The following SLC1A2 variants were observed in gnomAD, a reference collection of about 807,000 sequenced individuals.
SLC1A2 encodes excitatory amino acid transporter 2.
SLC1A2 carries 15 observed loss-of-function variants against 48.8 expected under a neutral mutation model. The ratio of observed to expected loss-of-function variants is 0.31; its 90% CI spans 0.21 to 0.47. The LOEUF (loss-of-function observed/expected upper bound fraction) is 0.47. SLC1A2 is among the 20% of genes least tolerant of loss of function. The pLI, the probability that SLC1A2 is intolerant of heterozygous loss-of-function variation, is 0.99. For synonymous variants in SLC1A2, 279 were observed against 272.6 expected, an observed-to-expected ratio of 1.02 and a Z score of -0.23; for missense variants, 502 against 730.5, an observed-to-expected ratio of 0.69 and a Z score of 3.61.
intron 6 of SLC1A2, among the ~76,000 whole-genome samples, chr11:35,294,118 A>G (rs180915278): frequency 3.3e-5 from 5 of 152,332 alleles, no homozygotes; most frequent in Non-Finnish European, 1.5e-5. Flanking sequence ...CTCATCACTC[A>G]TGCTTAGTAA....
intron 1 of SLC1A2, among the ~76,000 whole-genome samples, chr11:35,345,940 G>A (rs1853014824): frequency 6.6e-6 from 1 of 152,140 alleles, no homozygotes; most frequent in Non-Finnish European, 1.5e-5. Flanking sequence ...AGTTGACATT[G>A]TTTTAAGACC....
At chr11:35,408,355 C>T (rs1053592006) in intron 1 of SLC1A2, among the ~76,000 whole-genome samples, 3 of 152,158 alleles carry the variant, frequency 2.0e-5, no homozygotes, top group Non-Finnish European at 4.4e-5. Flanking sequence ...CCCAGAATTC[C>T]CATGTGCTGT....
chr11:35,360,310 C>G (rs1853631418), intron 1 of SLC1A2, among the ~76,000 whole-genome samples: 1 of 152,156 alleles, frequency 6.6e-6, no homozygotes, highest in South Asian at 2.1e-4. Context: ...CTTTGATGTC[C>G]CTTTTCTCTC....
At chr11:35,307,189 C>T (rs1851539181) in intron 4 of SLC1A2, 1 of 140,016 alleles carries the variant, frequency 7.1e-6, no homozygotes, top group Non-Finnish European at 1.5e-5. Context: ...AGGGGTATCA[C>T]AGGCTGCCTC....
intron 9 of SLC1A2, among the ~76,000 whole-genome samples, chr11:35,279,987 T>A (rs1850571844): frequency 6.6e-6 from 1 of 152,214 alleles, no homozygotes; most frequent in Admixed American, 6.5e-5. Flanking sequence ...ATAATTTACA[T>A]ACAACAAAAC....
chr11:35,261,763 A>G (rs1950397721), intron 10 of SLC1A2: 2 of 398,460 alleles, frequency 5.0e-6, no homozygotes, highest in Non-Finnish European at 8.8e-6. Context: ...AAGCATTAGA[A>G]TATGGAGACG....
intron 1 of SLC1A2, among the ~76,000 whole-genome samples, chr11:35,410,835 C>T (rs371173798): frequency 6.6e-6 from 1 of 152,166 alleles, no homozygotes; most frequent in East Asian, 1.9e-4. Flanking sequence ...TTCAACCTCT[C>T]CCTCTGCCTA....
At position 35,342,521 on chromosome 11, in the gene SLC1A2, T is replaced by TGTTG. The variant is rs1555010559; in HGVS notation, c.18-25006_18-25005insCAAC. Among the ~76,000 whole-genome samples, 3 of 151,282 alleles carry TGTTG rather than the reference T, an allele frequency of 2.0e-5. No individual in the cohort carries two copies. The East Asian group carries it at 5.8e-4, about 29-fold the overall frequency. On this transcript the variant is annotated intron_variant, in intron 1 of 10. Transcript: ENST00000278379. ...ATGTACCTCTCAAATGAGTGTTTTTTTTGTTGTTGTTGTTGTTGTTTGTTG... is the reference window on the plus strand; with the variant it reads ...ATGTACCTCTCAAATGAGTGTTTTTTGTTGTTGTTGTTGTTGTTGTTGTTTGTTG...
chr11:35,392,007 G>A (rs1325564274), intron 1 of SLC1A2, among the ~76,000 whole-genome samples: 1 of 152,102 alleles, frequency 6.6e-6, no homozygotes, highest in Non-Finnish European at 1.5e-5. Context: ...TTGCAAGCAG[G>A]GCTATTTTTA....
intron 5 of SLC1A2, among the ~76,000 whole-genome samples, chr11:35,305,017 C>G (rs1851461438): frequency 6.6e-6 from 1 of 152,198 alleles, no homozygotes; most frequent in South Asian, 2.1e-4. Flanking sequence ...GTCATCCAAA[C>G]CTTTAGAAAT....
chr11:35,251,606 T>C lies in SLC1A2; in HGVS notation c.*9288A>G, dbSNP rs1950239510. The C allele has an allele frequency of 6.6e-6, 1 of 152,442 alleles. No homozygotes were observed. The highest frequency in any genetic ancestry group is 1.5e-5 in the Non-Finnish European group (1 of 68,036). The allele number at this position is 152,442 out of a possible 1,614,324, so 9.4% of individuals were successfully genotyped here. On this transcript the variant is annotated 3_prime_UTR_variant, in exon 11 of 11. Coordinates refer to ENST00000278379, the MANE Select transcript of SLC1A2 (RefSeq NM_004171.4). ...ATCTTTTGTTCTGGACATACAAGAA[T>C]TTTCAAAGAGAATCCTGCATAAAGC...
At chr11:35,347,814 C>A (rs1206074142) in intron 1 of SLC1A2, among the ~76,000 whole-genome samples, 2 of 152,210 alleles carry the variant, frequency 1.3e-5, no homozygotes, top group African/African-American at 4.8e-5. Flanking sequence ...CTCAAGCAAT[C>A]CTCCTGCCTT....
chr11:35,326,108 T>G (rs547991712), intron 1 of SLC1A2, among the ~76,000 whole-genome samples: 1 of 152,236 alleles, frequency 6.6e-6, no homozygotes, highest in South Asian at 2.1e-4. Context: ...GTGGCCTCAA[T>G]GCTCCCAGCA....
At chr11:35,328,945 G>A (rs1591479407) in intron 1 of SLC1A2, among the ~76,000 whole-genome samples, 1 of 152,174 alleles carries the variant, frequency 6.6e-6, no homozygotes, top group African/African-American at 2.4e-5. Flanking sequence ...ACAAAACACT[G>A]CACAGGGATA....
intron 6 of SLC1A2, among the ~76,000 whole-genome samples, chr11:35,301,219 T>C (rs556413007): frequency 7.2e-5 from 11 of 152,152 alleles, no homozygotes; most frequent in Admixed American, 3.3e-4. Flanking sequence ...CACTCAGTCT[T>C]TGGTATTTTG....
chr11:35,285,477 G>C (rs934895627), intron 8 of SLC1A2: 1 of 152,156 alleles, frequency 6.6e-6, no homozygotes, highest in African/African-American at 2.4e-5. Flanking sequence ...AATCACCCAG[G>C]CCTTGGCTGT....
At chr11:35,380,529 G>C in intron 1 of SLC1A2, 1 of 397,994 alleles carries the variant, frequency 2.5e-6, no homozygotes, top group Non-Finnish European at 4.4e-6. Context: ...TCTTAGTTCA[G>C]GTCTACAGCG....
Position 35,306,254 on chromosome 11 carries a change from A to AG in SLC1A2, c.562-13dup. 6.2e-7 allele frequency: 1 copy of AG among 1,606,162 alleles called. No individual in the cohort carries two copies. Among genetic ancestry groups the AG allele is most frequent in the Non-Finnish European group, 8.5e-7 (1 of 1,174,442 alleles). On this transcript the variant is annotated splice_polypyrimidine_tract_variant and intron_variant, in intron 4 of 10. Transcript: ENST00000278379. ...GTCACTGTTTGAATCTAACAGAGTG[A>AG]GGGAAAAAAGGCATAGAGCTGAGAT...
At chr11:35,364,985 G>A (rs1391938416) in intron 1 of SLC1A2, among the ~76,000 whole-genome samples, 7 of 152,196 alleles carry the variant, frequency 4.6e-5, no homozygotes, top group South Asian at 2.1e-4. Context: ...TCATCTGAAC[G>A]CACAGCCAAT....
Sources: gnomAD v4.1 joint callset for allele counts (sites outside exome capture counted in the v4.1 genomes callset) on GRCh38, gnomAD v4.1.1 for gene constraint, MANE v1.5 for transcripts, NCBI Gene and HGNC (gene_info 2026-07-23, HGNC 2026-07-21) for gene names.